Variants in PDE5A observed in about 807,000 individuals in gnomAD.
PDE5A encodes the protein cGMP-specific 3',5'-cyclic phosphodiesterase.
A neutral mutation model predicts 110.2 loss-of-function variants in PDE5A; 67 were observed. That is an observed-to-expected ratio of 0.61 (90% confidence interval 0.50 to 0.75). PDE5A has a LOEUF of 0.75. PDE5A is among the 30% of genes least tolerant of loss of function. PDE5A has a pLI of 0.00. For missense variants in PDE5A, 862 were observed against 1,045.1 expected (o/e 0.82, Z 2.42); for synonymous variants, 328 against 351.2 (o/e 0.93, Z 0.74).
chr4:119,558,866 G>C (rs1384504841), intron 7 of PDE5A, among the ~76,000 whole-genome samples: 1 of 135,252 alleles, frequency 7.4e-6, no homozygotes, highest in Non-Finnish European at 1.5e-5. Context: ...GCAGTGAGCC[G>C]AGATCCCGCC....
intron 2 of PDE5A, among the ~76,000 whole-genome samples, chr4:119,605,014 T>C (rs1729477890): frequency 6.6e-6 from 1 of 152,198 alleles, no homozygotes; most frequent in Non-Finnish European, 1.5e-5. Context: ...TCCCAACTTG[T>C]AGCATTTTCC....
chr4:119,519,054 T>G lies in PDE5A; in HGVS notation c.1991A>C (p.Tyr664Ser). 1 of 1,610,082 alleles carries G rather than the reference T, an allele frequency of 6.2e-7. No individual in the cohort carries two copies. The highest frequency in any genetic ancestry group is 8.5e-7 in the Non-Finnish European group (1 of 1,176,368). ...DLDHRGVNNS[Y>S]IQRSEHPLAQ... ...ACTGGGAAAGTCTTACCGCTGTATG[T>G]AAGAGTTATTCACACCACGGTGATC... Residue 664 changes from tyrosine (Y) to serine (S), a missense_variant, in exon 14 of 21, where the codon TAC becomes TCC. By Grantham distance (144) the Tyr-to-Ser change is moderately radical. Transcript: ENST00000354960.
intron 3 of PDE5A, among the ~76,000 whole-genome samples, chr4:119,586,006 C>A (rs910430343): frequency 6.6e-6 from 1 of 152,120 alleles, no homozygotes; most frequent in South Asian, 2.1e-4. Context: ...ACATCCTGAC[C>A]GCGTGAGATA....
chr4:119,611,254 T>C (rs1440286771), intron 1 of PDE5A, among the ~76,000 whole-genome samples: 1 of 152,214 alleles, frequency 6.6e-6, no homozygotes, highest in Non-Finnish European at 1.5e-5. Context: ...CAATCTGTTG[T>C]TATATCATCT....
intron 9 of PDE5A, among the ~76,000 whole-genome samples, chr4:119,546,135 T>C (rs139249167): frequency 1.8e-3 from 267 of 152,276 alleles, no homozygotes; most frequent in African/African-American, 5.9e-3. Context: ...CTAACTGCTA[T>C]TGGAGTCTTA....
At chr4:119,600,223 T>C (rs1729296886) in intron 2 of PDE5A, among the ~76,000 whole-genome samples, 1 of 152,004 alleles carries the variant, frequency 6.6e-6, no homozygotes, top group Non-Finnish European at 1.5e-5. Context: ...GCCTAGTCTT[T>C]CATTTTTGGA....
rs770228286 is a variant in PDE5A, at chr4:119,560,618, GT to G, written c.1132-256del. On this transcript the variant is annotated intron_variant, in intron 6 of 20. Coordinates refer to ENST00000354960, the MANE Select transcript of PDE5A (RefSeq NM_001083.4). Reference sequence around the variant, plus strand: ...AAGAATGATTATATGAGGACTATTTGTTTTTTTCTAGGTGCTGATGGATTTA... The same window carrying G: ...AAGAATGATTATATGAGGACTATTTGTTTTTTCTAGGTGCTGATGGATTTA... Among the ~76,000 whole-genome samples the G allele has an allele frequency of 5.3e-5, 8 of 152,094 alleles. No individual in the cohort carries two copies. In the East Asian group the frequency reaches 1.2e-3, roughly 22 times the overall value.
chr4:119,572,878 A>G (rs1459505564), intron 3 of PDE5A, among the ~76,000 whole-genome samples: 3 of 152,196 alleles, frequency 2.0e-5, no homozygotes, highest in African/African-American at 7.2e-5. Context: ...AGATAAAATT[A>G]AATTGGACTT....
chr4:119,517,755 A>G (rs1725967699), intron 14 of PDE5A, among the ~76,000 whole-genome samples: 1 of 151,858 alleles, frequency 6.6e-6, no homozygotes, highest in African/African-American at 2.4e-5. Flanking sequence ...CACTAATAAT[A>G]CACATACTAA....
At chr4:119,510,902 T>A in intron 15 of PDE5A, 145 bp downstream of exon 15, 1 of 536,084 alleles carries the variant, frequency 1.9e-6, no homozygotes, top group South Asian at 3.1e-5. Context: ...GGATCTCAAA[T>A]GTTTTGGCTT....
In PDE5A at chr4:119,614,299, T is replaced by C. The variant is rs569972176; in HGVS notation, c.153-7002A>G. Among the ~76,000 whole-genome samples the C allele has an allele frequency of 6.6e-5, 10 of 152,296 alleles. No individual in the cohort carries two copies. In the East Asian group the frequency reaches 1.4e-3, roughly 21 times the overall value. On this transcript the variant is annotated intron_variant, in intron 1 of 20. Coordinates refer to ENST00000354960, the MANE Select transcript of PDE5A (RefSeq NM_001083.4). ...GAGAAAAAGTCATCCCCAGAGTTGC[T>C]AGATTTAGCAAATAAAAAAGACAAC...
chr4:119,563,085 G>C (rs1334962655), intron 5 of PDE5A, 115 bp from the exon 6 acceptor site: 1 of 751,456 alleles, frequency 1.3e-6, no homozygotes, highest in Admixed American at 3.6e-5. Context: ...GATCAAGTCT[G>C]CATTCAAATA....
intron 1 of PDE5A, among the ~76,000 whole-genome samples, chr4:119,619,741 G>C: frequency 6.6e-6 from 1 of 152,256 alleles, no homozygotes; most frequent in Middle Eastern, 3.4e-3. Context: ...CCACTAAAAA[G>C]ATAAGGAAAC....
rs201307925 is a variant in PDE5A, at chr4:119,505,948, A to C, written c.2190-16T>G. ...TCCTCGCCTCCTACAATGTTTAAAAAAAAATTGTTAGTTATAATGAGTACC... is the reference window on the plus strand; with the variant it reads ...TCCTCGCCTCCTACAATGTTTAAAACAAAATTGTTAGTTATAATGAGTACC... On this transcript the variant is annotated splice_polypyrimidine_tract_variant and intron_variant, in intron 16 of 20. Transcript: ENST00000354960. 1.1e-5 allele frequency: 16 copies of C among 1,477,436 alleles called. No homozygotes were observed. Among genetic ancestry groups the C allele is most frequent in the African/African-American group, 2.9e-5 (2 of 69,498 alleles). The allele number at this position is 1,477,436 out of a possible 1,614,324, so 91.5% of individuals were successfully genotyped here. A position where few individuals can be genotyped will look rare whatever the true frequency, so the allele number is the denominator to read the frequency against.
chr4:119,594,398 T>A (rs1729083023), intron 3 of PDE5A, among the ~76,000 whole-genome samples: 1 of 152,194 alleles, frequency 6.6e-6, no homozygotes, highest in African/African-American at 2.4e-5. Context: ...TTTTAAAATA[T>A]CCTTAATAAC....
intron 3 of PDE5A, among the ~76,000 whole-genome samples, chr4:119,571,939 G>A (rs982257375): frequency 6.6e-6 from 1 of 152,066 alleles, no homozygotes; most frequent in African/African-American, 2.4e-5. Flanking sequence ...AATTTTAATG[G>A]TTTCACCCAT....
At chr4:119,543,045 T>TACACACACAC (rs70944890) in intron 9 of PDE5A, 10,452 of 124,332 alleles carry the variant, frequency 0.084, 743 homozygotes, top group East Asian at 0.19. Flanking sequence ...AAGTTAAACA[T>TACACACACAC]ACACACACAC....
At chr4:119,522,571 T>C (rs986083664) in intron 12 of PDE5A, among the ~76,000 whole-genome samples, 8 of 152,110 alleles carry the variant, frequency 5.3e-5, no homozygotes, top group Non-Finnish European at 1.2e-4. Flanking sequence ...AAATATATAA[T>C]ACCATATATT....
chr4:119,498,702 G>A lies in PDE5A; in HGVS notation c.2527C>T (p.Leu843=). The A allele has an allele frequency of 6.2e-7, 1 of 1,613,924 alleles. No homozygotes were observed. ...THVSEDCFPL[L]DGCRKNRQKW... ...TGCCTGTTCTTTCTGCAGCCATCTAGCAAAGGGAAACAGTCCTCTGACACG... is the reference window on the plus strand; with the variant it reads ...TGCCTGTTCTTTCTGCAGCCATCTAACAAAGGGAAACAGTCCTCTGACACG... The change falls in exon 21 of 21, where the codon CTA becomes TTA. Residue 843 remains leucine, a synonymous_variant. Transcript: ENST00000354960.
Sources: allele counts gnomAD v4.1 joint callset (sites outside exome capture counted in the v4.1 genomes callset), GRCh38; gene constraint gnomAD v4.1.1; transcripts MANE v1.5; gene names NCBI Gene and HGNC (gene_info 2026-07-23, HGNC 2026-07-21).